The following PTPRT variants were observed in gnomAD, a reference collection of about 807,000 sequenced individuals.
PTPRT encodes the protein protein tyrosine phosphatase receptor type T, also known as receptor-type tyrosine-protein phosphatase T.
PTPRT carries 56 observed loss-of-function variants against 176.8 expected under a neutral mutation model. The ratio of observed to expected loss-of-function variants is 0.32; its 90% CI spans 0.26 to 0.40. PTPRT has a LOEUF of 0.40. Among genes scored for constraint, PTPRT ranks in the 10% least tolerant of loss-of-function variants. PTPRT has a pLI of 1.00. For missense variants in PTPRT, 1,540 were observed against 1,908.2 expected (o/e 0.81, Z 3.60); for synonymous variants, 783 against 739.0 (o/e 1.06, Z -0.96).
rs1418025223 is a variant in PTPRT at position 42,179,559 on chromosome 20, T to C, written c.2492-18017A>G. Among the ~76,000 whole-genome samples, 6 of 152,302 alleles carry C rather than the reference T, an allele frequency of 3.9e-5. No homozygotes were observed. In the East Asian group the frequency reaches 1.2e-3, roughly 29 times the overall value. On this transcript the variant is annotated intron_variant, in intron 16 of 30. Transcript: ENST00000373187. Reference sequence around the variant, plus strand: ...TAAAACGCTAATTAAGTGATAATGCTAAGTAAAAAATATAATGTGATGAAT... The same window carrying C: ...TAAAACGCTAATTAAGTGATAATGCCAAGTAAAAAATATAATGTGATGAAT...
intron 11 of PTPRT, among the ~76,000 whole-genome samples, chr20:42,319,541 G>T (rs539248015): frequency 6.6e-6 from 1 of 152,236 alleles, no homozygotes; most frequent in African/African-American, 2.4e-5. Flanking sequence ...AAGCAAACCT[G>T]CAATGCAGCC....
chr20:42,607,145 T>A (rs1290319221), intron 7 of PTPRT, among the ~76,000 whole-genome samples: 1 of 151,982 alleles, frequency 6.6e-6, no homozygotes, highest in Non-Finnish European at 1.5e-5. Flanking sequence ...GTAGTCAAAA[T>A]CATAGAGACA....
chr20:42,276,543 AT>A, intron 13 of PTPRT, among the ~76,000 whole-genome samples: 1 of 57,228 alleles, frequency 1.7e-5, no homozygotes, highest in African/African-American at 8.1e-5. Flanking sequence ...ATATATATAT[AT>A]ATATATATAT....
chr20:42,282,426 C>T, intron 13 of PTPRT, 63 bp downstream of exon 13: 2 of 1,481,186 alleles, frequency 1.4e-6, no homozygotes, highest in Non-Finnish European at 9.3e-7. Context: ...CTCTGTGTGG[C>T]TAGAAAGAAA....
At chr20:42,232,670 C>T (rs924933318) in intron 15 of PTPRT, among the ~76,000 whole-genome samples, 3 of 152,014 alleles carry the variant, frequency 2.0e-5, no homozygotes, top group African/African-American at 4.8e-5. Flanking sequence ...AAACACCTCG[C>T]CTCCAGTCCT....
intron 16 of PTPRT, among the ~76,000 whole-genome samples, chr20:42,167,727 T>A (rs1989889594): frequency 6.6e-6 from 1 of 152,228 alleles, no homozygotes; most frequent in Admixed American, 6.5e-5. Flanking sequence ...CTGTGGGGAC[T>A]GTGGCAACAG....
intron 7 of PTPRT, among the ~76,000 whole-genome samples, chr20:42,602,413 T>C (rs2073797675): frequency 6.6e-6 from 1 of 152,128 alleles, no homozygotes; most frequent in Non-Finnish European, 1.5e-5. Flanking sequence ...GGGATAATAA[T>C]CATAAGGGTA....
intron 16 of PTPRT, among the ~76,000 whole-genome samples, chr20:42,164,983 A>G (rs1989765162): frequency 6.6e-6 from 1 of 152,160 alleles, no homozygotes; most frequent in African/African-American, 2.4e-5. Flanking sequence ...CTTTTTATAT[A>G]GCTGTTACCT....
intron 27 of PTPRT, among the ~76,000 whole-genome samples, chr20:42,089,950 C>T (rs1157750503): frequency 1.3e-5 from 2 of 152,150 alleles, no homozygotes; most frequent in African/African-American, 2.4e-5. Context: ...TGTAGCTGCA[C>T]CTGAATGGAT....
Position 43,037,079 on chromosome 20 carries a change from ATTC to A in PTPRT, c.89-151150_89-151148del, listed in dbSNP as rs1986412115. 2.0e-5 allele frequency among the ~76,000 whole-genome samples: 3 copies of A among 152,362 alleles called. No individual in the cohort carries two copies. In the South Asian group the frequency reaches 6.2e-4, roughly 32 times the overall value. On this transcript the variant is annotated intron_variant, in intron 1 of 30. Transcript: ENST00000373187. ...TTGACTAGGTGAATTGCCAAATTCA[ATTC>A]TTCTTTCATTCTGCAAATATTCATT...
At position 42,374,319 on chromosome 20, in the gene PTPRT, C is replaced by T. The variant is rs116205256; in HGVS notation, c.1561-22034G>A. 7.6e-3 allele frequency among the ~76,000 whole-genome samples: 1,163 copies of T among 152,214 alleles called. 17 individuals are homozygous for T. The highest frequency in any genetic ancestry group is 0.026 in the African/African-American group (1,099 of 41,522). ...AAACCTCATTAAATCAAGTGTCAAA[C>T]GTAAAATAAATAAAGCCACACATTT... On this transcript the variant is annotated intron_variant, in intron 9 of 30. Transcript: ENST00000373187.
chr20:42,228,971 T>C (rs2056078032), intron 15 of PTPRT, among the ~76,000 whole-genome samples: 1 of 152,210 alleles, frequency 6.6e-6, no homozygotes, highest in Non-Finnish European at 1.5e-5. Flanking sequence ...GCTATGGATA[T>C]GGTCCATGGA....
intron 1 of PTPRT, among the ~76,000 whole-genome samples, chr20:42,955,083 A>G (rs1056854366): frequency 1.3e-5 from 2 of 152,276 alleles, no homozygotes; most frequent in South Asian, 2.1e-4. Context: ...CGCACACTCT[A>G]TCCCCCTCTT....
chr20:42,498,351 G>A (rs2071691232), intron 7 of PTPRT, among the ~76,000 whole-genome samples: 1 of 152,098 alleles, frequency 6.6e-6, no homozygotes, highest in African/African-American at 2.4e-5. Flanking sequence ...TCCCTCTGGA[G>A]GTTAGACAAA....
Position 42,771,301 on chromosome 20 carries a change from C to T in PTPRT, c.684+134G>A, listed in dbSNP as rs539923709. ...CCCAGTTTGTAAGCAAGGGTGGGCT[C>T]CGGTGCTAGCTGTTGTCCCCCTCTG... On this transcript the variant is annotated intron_variant, in intron 5 of 30. Coordinates refer to ENST00000373187, the MANE Select transcript of PTPRT (RefSeq NM_007050.6). 5 of 778,626 alleles carry T rather than the reference C, an allele frequency of 6.4e-6. No individual in the cohort carries two copies. The East Asian group carries it at 1.2e-4, about 19-fold the overall frequency. 48.2% of individuals were successfully genotyped at this position (778,626 alleles called of 1,614,324 possible). A position where few individuals can be genotyped will look rare whatever the true frequency, so the allele number is the denominator to read the frequency against.
Position 42,119,947 on chromosome 20 carries a change from T to C in PTPRT, c.2872A>G (p.Ile958Val). ...GGAGGGCACTTACCTTGAGTCGCAA[T>C]GTAGTGCCGAGGTCGATGGTATCCC... is the stretch of plus-strand genomic sequence containing the variant. ...IDGYHRPRHY[I>V]ATQGPMQETV... is the part of the protein sequence containing the mutation. The change falls in exon 20 of 31, where the codon ATT (isoleucine) becomes GTT (valine). Residue 958 changes from isoleucine (I) to valine (V), a missense_variant. By Grantham distance (29) the Ile-to-Val change is conservative (BLOSUM62 3). Coordinates refer to ENST00000373187, the MANE Select transcript of PTPRT (RefSeq NM_007050.6). 6 of 1,608,852 alleles carry C rather than the reference T, an allele frequency of 3.7e-6. No individual in the cohort carries two copies. The highest frequency in any genetic ancestry group is 5.1e-6 in the Non-Finnish European group (6 of 1,177,630).
At chr20:42,791,081 G>A in intron 3 of PTPRT, 114 bp downstream of exon 3, 1 of 1,338,674 alleles carries the variant, frequency 7.5e-7, no homozygotes, top group Non-Finnish European at 1.0e-6. Context: ...GAGAAGCACA[G>A]TAAACACGAG....
the PTPRT span, among the ~76,000 whole-genome samples, chr20:42,057,057 G>T: frequency 6.6e-6 from 1 of 152,290 alleles, no homozygotes; most frequent in East Asian, 1.9e-4. Context: ...CTTATTTCTG[G>T]AATGATTATA....
chr20:42,199,142 G>T, intron 16 of PTPRT, 98 bp downstream of exon 16: 1 of 1,427,888 alleles, frequency 7.0e-7, no homozygotes, highest in Non-Finnish European at 9.6e-7. Flanking sequence ...CATACCCTAT[G>T]CCTGGCAGCA....
Sources: gnomAD v4.1 joint callset for allele counts (sites outside exome capture counted in the v4.1 genomes callset) on GRCh38, gnomAD v4.1.1 for gene constraint, MANE v1.5 for transcripts, NCBI Gene and HGNC (gene_info 2026-07-23, HGNC 2026-07-21) for gene names.